MAML3: variants seen among roughly 807,000 people sequenced by gnomAD.
The protein encoded by MAML3 is mastermind like transcriptional coactivator 3.
MAML3 carries 27 observed loss-of-function variants against 101.9 expected under a neutral mutation model. That is an observed-to-expected ratio of 0.27 (90% CI 0.20 to 0.37). The LOEUF is 0.37. Among genes scored for constraint, MAML3 ranks in the 10% least tolerant of loss-of-function variants. MAML3 has a pLI of 1.00. For missense variants in MAML3, 1,316 were observed against 1,444.9 expected (o/e 0.91, Z 1.45); for synonymous variants, 501 against 555.9 (o/e 0.90, Z 1.39).
chr4:139,942,608 C>T (rs1226897156), intron 1 of MAML3, among the ~76,000 whole-genome samples: 1 of 151,904 alleles, frequency 6.6e-6, no homozygotes, highest in Non-Finnish European at 1.5e-5. Flanking sequence ...TTAAATCAAC[C>T]TTCAAGAAGA....
At chr4:140,010,633 A>G (rs1726533528) in intron 1 of MAML3, among the ~76,000 whole-genome samples, 1 of 152,210 alleles carries the variant, frequency 6.6e-6, no homozygotes, top group Admixed American at 6.5e-5. Context: ...TTTGTTGAGT[A>G]TGTTCATATA....
intron 2 of MAML3, among the ~76,000 whole-genome samples, chr4:139,877,459 A>G (rs1012881842): frequency 5.9e-5 from 9 of 152,194 alleles, no homozygotes; most frequent in African/African-American, 2.2e-4. Flanking sequence ...CCAAAAGACT[A>G]TCTTTAGAAA....
intron 1 of MAML3, among the ~76,000 whole-genome samples, chr4:140,115,045 A>G (rs549657963): frequency 3.9e-5 from 6 of 152,348 alleles, no homozygotes; most frequent in Non-Finnish European, 8.8e-5. Context: ...CTATAGAACC[A>G]TAACATTCCT....
In MAML3 at chr4:139,790,713, C is replaced by T. The variant is rs530993461; in HGVS notation, c.2080-60046G>A. Among the ~76,000 whole-genome samples the T allele has an allele frequency of 5.9e-5, 9 of 152,232 alleles. No homozygotes were observed. In the South Asian group the frequency reaches 1.9e-3, roughly 32 times the overall value. On this transcript the variant is annotated intron_variant, in intron 2 of 4. Transcript: ENST00000509479. ...TTCAAGGTTCATCCATGTTGTAGTA[C>T]GTATCAGACATTCATTCTTTTTGAA...
intron 1 of MAML3, among the ~76,000 whole-genome samples, chr4:140,031,764 C>T (rs1157347419): frequency 6.6e-6 from 1 of 152,170 alleles, no homozygotes; most frequent in Non-Finnish European, 1.5e-5. Context: ...TCATCAGAAA[C>T]TTCCTTCTAC....
rs116370316 is a variant in MAML3 at position 140,120,314 on chromosome 4, G to T, written c.468+32546C>A. 7.6e-3 allele frequency among the ~76,000 whole-genome samples: 1,139 copies of T among 150,798 alleles called. 14 individuals are homozygous for T. The highest frequency in any genetic ancestry group is 0.027 in the African/African-American group (1,097 of 41,020). On this transcript the variant is annotated intron_variant, in intron 1 of 4. Coordinates refer to ENST00000509479, the MANE Select transcript of MAML3 (RefSeq NM_018717.5). Reference sequence around the variant, plus strand: ...CTGAGTGCCTCCCCTAATGAGTAATGAGCAGTATTAAATTACAGGTTACTA... The same window carrying T: ...CTGAGTGCCTCCCCTAATGAGTAATTAGCAGTATTAAATTACAGGTTACTA...
At chr4:139,903,992 C>T (rs925869206) in intron 1 of MAML3, among the ~76,000 whole-genome samples, 2 of 152,178 alleles carry the variant, frequency 1.3e-5, no homozygotes, top group African/African-American at 4.8e-5. Context: ...TAGTTCCTTC[C>T]AGCCCTTTGG....
intron 2 of MAML3, among the ~76,000 whole-genome samples, chr4:139,741,087 C>G (rs1579381599): frequency 6.6e-6 from 1 of 152,192 alleles, no homozygotes; most frequent in Non-Finnish European, 1.5e-5. Flanking sequence ...CCTCGGCCCC[C>G]ATTCCTATGA....
intron 2 of MAML3, among the ~76,000 whole-genome samples, chr4:139,844,052 C>T (rs1731403571): frequency 6.6e-6 from 1 of 152,208 alleles, no homozygotes; most frequent in Non-Finnish European, 1.5e-5. Context: ...AATTGCTCTT[C>T]AGGATGGCAT....
intron 2 of MAML3, among the ~76,000 whole-genome samples, chr4:139,765,561 T>A (rs1301367092): frequency 6.6e-6 from 1 of 152,254 alleles, no homozygotes; most frequent in Admixed American, 6.5e-5. Context: ...AAGGGTGGCC[T>A]TCTTCATTTC....
intron 1 of MAML3, among the ~76,000 whole-genome samples, chr4:140,085,583 A>G (rs1329137429): frequency 6.6e-6 from 1 of 152,100 alleles, no homozygotes; most frequent in Non-Finnish European, 1.5e-5. Flanking sequence ...CCTTATGCAA[A>G]CCTCTTAGAA....
chr4:140,147,131 C>CAAA (rs58459047), intron 1 of MAML3, among the ~76,000 whole-genome samples: 3 of 81,344 alleles, frequency 3.7e-5, no homozygotes, highest in African/African-American at 1.3e-4. Context: ...GACTCCATCT[C>CAAA]AAAAAAAAAA....
chr4:140,115,705 G>A (rs1457871969), intron 1 of MAML3, among the ~76,000 whole-genome samples: 1 of 152,166 alleles, frequency 6.6e-6, no homozygotes, highest in Admixed American at 6.6e-5. Context: ...CAAAAAGCAA[G>A]TGTACTCAAT....
At chr4:140,074,203 A>AAGAAAGAAAGAGAGAGAGAGAAAGAAAG (rs1727721037) in intron 1 of MAML3, among the ~76,000 whole-genome samples, 1 of 97,248 alleles carries the variant, frequency 1.0e-5, no homozygotes, top group East Asian at 3.1e-4. Context: ...AAGAAAGAGA[A>AAGAAAGAAAGAGAGAGAGAGAAAGAAAG]AGAAAGAAAG....
intron 1 of MAML3, among the ~76,000 whole-genome samples, chr4:140,008,351 TA>T (rs566756186): frequency 4.6e-4 from 67 of 146,770 alleles, no homozygotes; most frequent in South Asian, 6.4e-4. Context: ...CAGTCTCAAT[TA>T]AAAAAAAAAA....
chr4:139,873,395 G>C (rs1732052447), intron 2 of MAML3, among the ~76,000 whole-genome samples: 1 of 152,196 alleles, frequency 6.6e-6, no homozygotes, highest in Admixed American at 6.5e-5. Context: ...ACTTAAGCAT[G>C]TTATAAAATG....
intron 2 of MAML3, among the ~76,000 whole-genome samples, chr4:139,757,735 C>T (rs1203695886): frequency 1.3e-5 from 2 of 151,972 alleles, no homozygotes; most frequent in Admixed American, 6.5e-5. Flanking sequence ...GCCACCATGC[C>T]AGCCCCCATG....
intron 1 of MAML3, among the ~76,000 whole-genome samples, chr4:140,022,974 A>G (rs1726756293): frequency 6.6e-6 from 1 of 152,232 alleles, no homozygotes; most frequent in South Asian, 2.1e-4. Flanking sequence ...ATATTCAGTG[A>G]AGAAAGGGGT....
chr4:139,996,540 C>T, intron 1 of MAML3, among the ~76,000 whole-genome samples: 1 of 152,052 alleles, frequency 6.6e-6, no homozygotes, highest in Middle Eastern at 3.4e-3. Flanking sequence ...TGAAATATCC[C>T]TGTCTCTAGT....
Sources: gnomAD v4.1 joint callset for allele counts (sites outside exome capture counted in the v4.1 genomes callset) on GRCh38, gnomAD v4.1.1 for gene constraint, MANE v1.5 for transcripts, NCBI Gene and HGNC (gene_info 2026-07-23, HGNC 2026-07-21) for gene names.